Variants in BAHCC1 observed in about 807,000 individuals in gnomAD.
BAHCC1 encodes BAH and coiled-coil domain-containing protein 1.
A neutral mutation model predicts 88.2 loss-of-function variants in BAHCC1; 43 were observed. That is an observed-to-expected ratio of 0.49 (90% CI 0.38 to 0.63). The LOEUF (loss-of-function observed/expected upper bound fraction) is 0.63, where lower values mean the gene tolerates loss of function less well. BAHCC1 is among the 20% of genes least tolerant of loss of function. BAHCC1 has a pLI of 0.00. For missense variants in BAHCC1, 3,023 were observed against 1,654.8 expected (o/e 1.83, Z -14.34); for synonymous variants, 1,510 against 745.5 (o/e 2.03, Z -16.71).
chr17:81,434,936 G>T lies in BAHCC1; in HGVS notation c.359-3434G>T, dbSNP rs2143464730. 1.3e-5 allele frequency among the ~76,000 whole-genome samples: 2 copies of T among 152,174 alleles called. No homozygotes were observed. Among genetic ancestry groups the T allele is most frequent in the East Asian group, 3.9e-4 (2 of 5,168 alleles). ...GGCAGCCAGGGCTGGTGCACCCTGG[G>T]TGGGGGCTCCTCCTCCCTCCCCAGG... is the stretch of plus-strand genomic sequence containing the variant. On this transcript the variant is annotated intron_variant, in intron 3 of 27. Coordinates refer to ENST00000675386, the MANE Select transcript of BAHCC1 (RefSeq NM_001377448.1). The surrounding 1 kb of genome is among the most constrained non-coding windows in gnomAD (Gnocchi z 4.9).
At chr17:81,432,561 T>TCCCATCGCCGGGCCCACCCTCCCC in intron 3 of BAHCC1, among the ~76,000 whole-genome samples, 1 of 13,786 alleles carries the variant, frequency 7.3e-5, no homozygotes, top group Non-Finnish European at 1.5e-4. Flanking sequence ...CCACCCTCCC[T>TCCCATCGCCGGGCCCACCCTCCCC]CCCATCGCCG....
At chr17:81,416,397 C>T (rs533987645) in intron 2 of BAHCC1, among the ~76,000 whole-genome samples, 1,818 of 106,952 alleles carry the variant, frequency 0.017, 51 homozygotes, top group African/African-American at 0.064. Flanking sequence ...GGTGTATGCG[C>T]GTGTGTACGT....
rs1330486224 is a variant in BAHCC1, at chr17:81,416,692, GC to G, written c.179-10102del. On this transcript the variant is annotated intron_variant, in intron 2 of 27. Coordinates refer to ENST00000675386, the MANE Select transcript of BAHCC1 (RefSeq NM_001377448.1). ...TGAGCACACAGGAGGGTGAGAGCCTGCCCCCCTGGCCATCCCGAGCCTGCAC... is the reference window on the plus strand; with the variant it reads ...TGAGCACACAGGAGGGTGAGAGCCTGCCCCCTGGCCATCCCGAGCCTGCAC... Among the ~76,000 whole-genome samples, 217 of 152,316 alleles carry G rather than the reference GC, an allele frequency of 1.4e-3. 1 individual carries two copies. Among genetic ancestry groups the G allele is most frequent in the African/African-American group, 5.0e-3 (208 of 41,552 alleles).
rs1156321844 is a variant in BAHCC1 at position 81,461,757 on chromosome 17, C to G, written c.7094C>G (p.Pro2365Arg). ...ALLLQTCLTH[P>R]VPTLLAQPEA... ...CTGCTGCAGACCTGCCTCACCCACC[C>G]CGTGCCCACCCTCCTGGCCCAGCCC... The change falls in exon 26 of 28, where the codon CCC (proline) becomes CGC (arginine). Residue 2365 changes from proline (P) to arginine (R), a missense_variant. Transcript: ENST00000675386. The G allele has an allele frequency of 1.4e-6, 1 of 717,498 alleles. No individual in the cohort carries two copies. Among genetic ancestry groups the G allele is most frequent in the Non-Finnish European group, 2.6e-6 (1 of 385,202 alleles). The allele number at this position is 717,498 out of a possible 1,614,324, so 44.4% of individuals were successfully genotyped here. A position where few individuals can be genotyped will look rare whatever the true frequency, so the allele number is the denominator to read the frequency against.
intron 2 of BAHCC1, among the ~76,000 whole-genome samples, chr17:81,426,097 T>TA: frequency 1.4e-5 from 2 of 141,904 alleles, no homozygotes; most frequent in South Asian, 2.3e-4. Context: ...TTGGTGGTGA[T>TA]AGTGGTGGGT....
intron 18 of BAHCC1, 73 bp from the exon 19 acceptor site, chr17:81,458,546 TGG>T: frequency 2.4e-6 from 1 of 422,580 alleles, no homozygotes. Context: ...CCCCGCACGC[TGG>T]CCCCTGAGCT....
intron 15 of BAHCC1, 50 bp downstream of exon 15, chr17:81,455,440 G>C (rs2064730827): frequency 1.4e-6 from 1 of 705,774 alleles, no homozygotes; most frequent in Non-Finnish European, 2.6e-6. Flanking sequence ...GGTCCCTTCA[G>C]GTCCCTTCCT....
At chr17:81,427,400 T>A (rs2064213167) in intron 3 of BAHCC1, among the ~76,000 whole-genome samples, 1 of 152,014 alleles carries the variant, frequency 6.6e-6, no homozygotes, top group African/African-American at 2.4e-5. Flanking sequence ...GGGAGAGCTG[T>A]CAGCGCACAC....
Position 81,443,013 on chromosome 17 carries a change from T to G in BAHCC1, c.1664T>G (p.Val555Gly), listed in dbSNP as rs1555653095. ...CAGCAGCACTTGATGGCCGCCGAGG[T>G]GGAGCAGGGGGGCATTGGGGCTGAG... ...RHQQHLMAAE[V>G]EQGGIGAEAK... Residue 555 changes from valine (V) to glycine (G), a missense_variant, in exon 5 of 28, where the codon GTG (valine) becomes GGG (glycine). Transcript: ENST00000675386. The G allele has an allele frequency of 1.3e-6, 1 of 778,608 alleles. No individual in the cohort carries two copies. The highest frequency in any genetic ancestry group is 2.4e-6 in the Non-Finnish European group (1 of 417,782). The allele number at this position is 778,608 out of a possible 1,614,324, so 48.2% of individuals were successfully genotyped here.
intron 3 of BAHCC1, among the ~76,000 whole-genome samples, chr17:81,437,306 G>A (rs552390171): frequency 2.2e-4 from 33 of 152,376 alleles, no homozygotes; most frequent in African/African-American, 7.5e-4. Context: ...AAGGCAGGCC[G>A]GCCGGCACTG....
intron 24 of BAHCC1, 35 bp from the exon 25 acceptor site, chr17:81,460,495 A>G (rs1555658832): frequency 1.4e-6 from 1 of 731,966 alleles, no homozygotes; most frequent in Non-Finnish European, 2.5e-6. Flanking sequence ...CCCCACAGCC[A>G]TGGCACTGAA....
At chr17:81,405,716 C>G (rs1286673735) in intron 2 of BAHCC1, among the ~76,000 whole-genome samples, 1 of 152,226 alleles carries the variant, frequency 6.6e-6, no homozygotes, top group Non-Finnish European at 1.5e-5. Flanking sequence ...GCCCTTCCTT[C>G]TGGAAGAGGC....
At chr17:81,398,201 T>C (rs1190878838) in intron 1 of BAHCC1, among the ~76,000 whole-genome samples, 1 of 152,244 alleles carries the variant, frequency 6.6e-6, no homozygotes, top group Non-Finnish European at 1.5e-5. Flanking sequence ...AGGAGTAATA[T>C]GTGAAGTGCG....
At position 81,461,690 on chromosome 17, in the gene BAHCC1, G is replaced by T; in HGVS notation, c.7027G>T (p.Glu2343Ter). ...CTCCAGCCTCTGCTCCTCCGACAACGAGGACTCGTCCTACAGCTCAGACGA... is the reference window on the plus strand; with the variant it reads ...CTCCAGCCTCTGCTCCTCCGACAACTAGGACTCGTCCTACAGCTCAGACGA... ...STSSLCSSDNEDSSYSSDDED... is the reference protein window; with the variant it reads ...STSSLCSSDN The change falls in exon 26 of 28, where the codon GAG becomes TAG. Residue 2343 changes from glutamate (E) to a stop codon, truncating the protein, a stop_gained. Coordinates refer to ENST00000675386, the MANE Select transcript of BAHCC1 (RefSeq NM_001377448.1). LOFTEE classifies it high-confidence loss of function. 1 of 721,630 alleles carries T rather than the reference G, an allele frequency of 1.4e-6. No individual in the cohort carries two copies. 44.7% of individuals were successfully genotyped at this position (721,630 alleles called of 1,614,324 possible).
chr17:81,407,306 A>G lies in BAHCC1; in HGVS notation c.178+7389A>G, dbSNP rs200653070. 587 of 518,414 alleles carry G rather than the reference A, an allele frequency of 1.1e-3. 1 individual carries two copies. The highest frequency in any genetic ancestry group is 1.9e-3 in the Non-Finnish European group (491 of 258,802). The allele number at this position is 518,414 out of a possible 1,614,324, so 32.1% of individuals were successfully genotyped here. On this transcript the variant is annotated intron_variant, in intron 2 of 27. Transcript: ENST00000675386. ...GGGCAGTGCCTTCTTGGGGTACCCCACCAAAAAAGAGAAGCCTTAGCCATA... is the reference window on the plus strand; with the variant it reads ...GGGCAGTGCCTTCTTGGGGTACCCCGCCAAAAAAGAGAAGCCTTAGCCATA...
At chr17:81,458,532 C>CTCCCCCGCA in intron 18 of BAHCC1, 66 bp downstream of exon 18, 5 of 646,554 alleles carry the variant, frequency 7.7e-6, no homozygotes, top group Admixed American at 2.3e-5. Flanking sequence ...CCTTCCCCGC[C>CTCCCCCGCA]CTCCCCCGCA....
intron 3 of BAHCC1, among the ~76,000 whole-genome samples, chr17:81,432,161 G>A (rs1372018263): frequency 6.6e-5 from 10 of 152,170 alleles, no homozygotes; most frequent in African/African-American, 1.2e-4. Flanking sequence ...GTCCTGCAGC[G>A]GCTGTCCACT....
At chr17:81,414,735 G>T (rs1475996697) in intron 2 of BAHCC1, among the ~76,000 whole-genome samples, 4 of 152,218 alleles carry the variant, frequency 2.6e-5, no homozygotes, top group Non-Finnish European at 5.9e-5. Context: ...GTTCCCCGGG[G>T]TTCGTCACAG....
chr17:81,422,509 C>G (rs536658101), intron 2 of BAHCC1, among the ~76,000 whole-genome samples: 1 of 152,228 alleles, frequency 6.6e-6, no homozygotes, highest in Non-Finnish European at 1.5e-5. Flanking sequence ...TGAGGCTGGT[C>G]AGGTGCAGGG....
Sources: allele counts gnomAD v4.1 joint callset (sites outside exome capture counted in the v4.1 genomes callset), GRCh38; gene constraint gnomAD v4.1.1; non-coding constraint Gnocchi (gnomAD v3.1); transcripts MANE v1.5; gene names NCBI Gene and HGNC (gene_info 2026-07-23, HGNC 2026-07-21).